Variants in ZNF384 observed in about 807,000 individuals in gnomAD.
ZNF384 encodes CAG repeat protein 1.
In ZNF384, 20 loss-of-function variants were observed where a neutral mutation model predicts 65.0. The observed-to-expected ratio is 0.31, with a 90% CI of 0.22 to 0.45. The LOEUF (loss-of-function observed/expected upper bound fraction) is 0.45, where lower values mean the gene tolerates loss of function less well. Among genes scored for constraint, ZNF384 ranks in the 20% least tolerant of loss-of-function variants. ZNF384 has a pLI of 1.00. For missense variants in ZNF384, 549 were observed against 769.4 expected (o/e 0.71, Z 3.39); for synonymous variants, 310 against 303.9 (o/e 1.02, Z -0.21).
chr12:6,679,770 C>T (rs1462845475), intron 2 of ZNF384, among the ~76,000 whole-genome samples: 1 of 152,204 alleles, frequency 6.6e-6, no homozygotes, highest in Admixed American at 6.5e-5. Context: ...ATCACATTTA[C>T]TCACACAATG....
intron 2 of ZNF384, among the ~76,000 whole-genome samples, chr12:6,682,519 G>A (rs1450221579): frequency 1.3e-5 from 2 of 151,848 alleles, no homozygotes; most frequent in African/African-American, 4.8e-5. Context: ...ATGGTGGCAG[G>A]TGCATGTAAT....
chr12:6,668,727 A>G (rs907300141), intron 11 of ZNF384, among the ~76,000 whole-genome samples: 14 of 151,946 alleles, frequency 9.2e-5, no homozygotes, highest in Non-Finnish European at 1.6e-4. Context: ...AAAAAAAAAA[A>G]AAGAAGAAGA....
intron 6 of ZNF384, among the ~76,000 whole-genome samples, chr12:6,677,502 A>C (rs1954108973): frequency 6.6e-6 from 1 of 152,260 alleles, no homozygotes; most frequent in South Asian, 2.1e-4. Flanking sequence ...GTAGAGTATC[A>C]CATGCAAATA....
rs1950032264 is a variant in ZNF384 at position 6,667,543 on chromosome 12, A to T, written c.*171T>A. On this transcript the variant is annotated 3_prime_UTR_variant, in exon 12 of 12. Transcript: ENST00000683879. The stretch of plus-strand genomic sequence containing the variant: ...ATCAGGAGGGCTGATGTTCCTTTTG[A>T]AGAAGAGTTCAGAAAAAGGATGGTA... 1 of 890,886 alleles carries T rather than the reference A, an allele frequency of 1.1e-6. No individual in the cohort carries two copies. Among genetic ancestry groups the T allele is most frequent in the Non-Finnish European group, 1.8e-6 (1 of 541,468 alleles). The allele number at this position is 890,886 out of a possible 1,614,324, so 55.2% of individuals were successfully genotyped here. A position where few individuals can be genotyped will look rare whatever the true frequency, so the allele number is the denominator to read the frequency against.
At chr12:6,676,664 A>C (rs1234564908) in intron 7 of ZNF384, among the ~76,000 whole-genome samples, 1 of 152,240 alleles carries the variant, frequency 6.6e-6, no homozygotes, top group Non-Finnish European at 1.5e-5. Context: ...CCATCTCACA[A>C]TGGCCTCATT....
In ZNF384 at chr12:6,678,184, G is replaced by C. The variant is rs1031370247; in HGVS notation, c.629C>G (p.Pro210Arg). The C allele has an allele frequency of 5.6e-6, 9 of 1,614,164 alleles. No individual in the cohort carries two copies. The highest frequency in any genetic ancestry group is 7.6e-6 in the Non-Finnish European group (9 of 1,180,034). Residue 210 changes from proline (P) to arginine (R), a missense_variant, in exon 6 of 12, where the codon CCT becomes CGT. Pro to Arg is a moderately radical substitution (Grantham distance 103). This residue lies in a region of ZNF384 where 277 missense variants were observed against 337.2 expected (regional missense o/e 0.82). Transcript: ENST00000683879. The surrounding 1 kb of genome is among the most constrained non-coding windows in gnomAD (Gnocchi z 4.9). The stretch of plus-strand genomic sequence containing the variant: ...ATCATCCTCAGGGGAGAGGACATAA[G>C]GGTCATTCATCTCGGGCAGCCCTGA... ...LESGLPEMND[P>R]YVLSPEDDDD...
intron 3 of ZNF384, 96 bp downstream of exon 3, chr12:6,679,359 G>T: frequency 7.6e-7 from 1 of 1,318,474 alleles, no homozygotes; most frequent in Non-Finnish European, 1.1e-6. Flanking sequence ...CAGGGGTGGG[G>T]GACCCAGTAA....
chr12:6,671,401 G>A (rs1951448600), intron 9 of ZNF384: 1 of 153,274 alleles, frequency 6.5e-6, no homozygotes, highest in East Asian at 1.9e-4. Flanking sequence ...TAGTACCAAT[G>A]TGACCTCTCT....
chr12:6,672,543 G>A lies in ZNF384; in HGVS notation c.1005-11C>T, dbSNP rs753059373. 6.2e-7 allele frequency: 1 copy of A among 1,613,230 alleles called. No individual in the cohort carries two copies. The highest frequency in any genetic ancestry group is 1.1e-5 in the South Asian group (1 of 91,026). ...ATCTTGGAGTGGATCCTGCCGGAGA[G>A]GAGAGGAGGGAAGGGGGGAGGAGGA... On this transcript the variant is annotated splice_polypyrimidine_tract_variant and intron_variant, in intron 8 of 11. Transcript: ENST00000683879. The surrounding 1 kb of genome is among the most constrained non-coding windows in gnomAD (Gnocchi z 4.4).
chr12:6,673,359 G>A lies in ZNF384; in HGVS notation c.861C>T (p.His287=). 1 of 1,614,150 alleles carries A rather than the reference G, an allele frequency of 6.2e-7. No homozygotes were observed. Among genetic ancestry groups the A allele is most frequent in the Non-Finnish European group, 8.5e-7 (1 of 1,180,014 alleles). The part of the protein sequence containing the change: ...HSKSHTETKP[H]KCPHCSKTFA... Reference sequence around the variant, plus strand: ...AGGTCTTGGAGCAATGTGGGCACTTGTGGGGCTTGGTCTCGGTGTGTGACT... The same window carrying A: ...AGGTCTTGGAGCAATGTGGGCACTTATGGGGCTTGGTCTCGGTGTGTGACT... Residue 287 remains histidine (H), a synonymous_variant, in exon 8 of 12, where the codon CAC becomes CAT. Coordinates refer to ENST00000683879, the MANE Select transcript of ZNF384 (RefSeq NM_001385745.1). This position sits in a 1 kb window ranked among gnomAD's most constrained non-coding sequence, Gnocchi z 4.7.
At chr12:6,687,047 G>A (rs1958178329) in intron 2 of ZNF384, among the ~76,000 whole-genome samples, 1 of 152,224 alleles carries the variant, frequency 6.6e-6, no homozygotes, top group African/African-American at 2.4e-5. Context: ...GAAACACAGA[G>A]AAAGTTTTTT....
chr12:6,670,990 A>G (rs1951275029), intron 9 of ZNF384, 152 bp from the exon 10 acceptor site: 1 of 639,200 alleles, frequency 1.6e-6, no homozygotes, highest in East Asian at 2.7e-5. Flanking sequence ...GATGTGGATC[A>G]GGTACTGATG....
In ZNF384 at chr12:6,679,171, T is replaced by C. The variant is rs1365763130; in HGVS notation, c.79A>G (p.Met27Val). ...TGATCCTTCATCTTGTTGATGAACATTGTGTTCTCGATCTAAGAGAAAAGG... is the reference window on the plus strand; with the variant it reads ...TGATCCTTCATCTTGTTGATGAACACTGTGTTCTCGATCTAAGAGAAAAGG... Reference protein sequence around the residue: ...PTVSGQIENTMFINKMKDQLL... With the variant: ...PTVSGQIENTVFINKMKDQLL... The change falls in exon 4 of 12, where the codon ATG (methionine) becomes GTG (valine). Residue 27 changes from methionine (M) to valine (V), a missense_variant. Met to Val is a conservative substitution (Grantham distance 21, BLOSUM62 1). This residue lies in a region of ZNF384 where 277 missense variants were observed against 337.2 expected (regional missense o/e 0.82). Coordinates refer to ENST00000683879, the MANE Select transcript of ZNF384 (RefSeq NM_001385745.1). 34 of 1,583,022 alleles carry C rather than the reference T, an allele frequency of 2.1e-5. No individual in the cohort carries two copies. Among genetic ancestry groups the C allele is most frequent in the Non-Finnish European group, 2.9e-5 (34 of 1,162,586 alleles).
intron 2 of ZNF384, among the ~76,000 whole-genome samples, chr12:6,687,591 G>C (rs1958394717): frequency 6.6e-6 from 1 of 152,002 alleles, no homozygotes; most frequent in Non-Finnish European, 1.5e-5. Flanking sequence ...TACTTCTGGA[G>C]TCTACTCCGT....
At chr12:6,681,317 A>C (rs566781775) in intron 2 of ZNF384, among the ~76,000 whole-genome samples, 60 of 152,038 alleles carry the variant, frequency 3.9e-4, no homozygotes, top group Non-Finnish European at 7.1e-4. Flanking sequence ...CCCACCACCC[A>C]GTTTCACATT....
chr12:6,667,903 TTGCTGC>T lies in ZNF384; in HGVS notation c.1632_1637del (p.Gln546_Gln547del), dbSNP rs3835029. ...GAGACTGGAAGTGTGGTGGTGGCTG[TTGCTGC>T]TGCTGCTGCTGCTGCTGCTGCTGCT... On this transcript the variant is annotated inframe_deletion, in exon 12 of 12. Transcript: ENST00000683879. 0.025 allele frequency: 25,126 copies of T among 989,246 alleles called. 10 individuals carry two copies. The highest frequency in any genetic ancestry group is 0.043 in the Admixed American group (1,577 of 36,374). 61.3% of individuals were successfully genotyped at this position (989,246 alleles called of 1,614,324 possible).
intron 2 of ZNF384, among the ~76,000 whole-genome samples, chr12:6,685,481 G>A (rs963835065): frequency 6.6e-6 from 1 of 151,706 alleles, no homozygotes; most frequent in African/African-American, 2.4e-5. Flanking sequence ...TAATAGGAAG[G>A]GAGGTTTACT....
At chr12:6,670,656 T>C (rs1951173172) in intron 10 of ZNF384, 104 bp downstream of exon 10, 5 of 1,072,144 alleles carry the variant, frequency 4.7e-6, no homozygotes, top group Middle Eastern at 2.0e-4. Flanking sequence ...CCCTCAATAA[T>C]GTTTGAGTGT....
At chr12:6,680,257 G>A (rs1361367573) in intron 2 of ZNF384, among the ~76,000 whole-genome samples, 2 of 152,116 alleles carry the variant, frequency 1.3e-5, no homozygotes, top group African/African-American at 4.8e-5. Flanking sequence ...GAACCACTGT[G>A]CCCAGCCAAT....
Sources: allele counts gnomAD v4.1 joint callset (sites outside exome capture counted in the v4.1 genomes callset), GRCh38; gene constraint gnomAD v4.1.1; regional missense constraint gnomAD v4.1.1; non-coding constraint Gnocchi (gnomAD v3.1); transcripts MANE v1.5; gene names NCBI Gene and HGNC (gene_info 2026-07-23, HGNC 2026-07-21).